MCPH1: variants seen among roughly 807,000 people sequenced by gnomAD.
MCPH1 encodes microcephalin.
MCPH1 carries 104 observed loss-of-function variants against 84.5 expected under a neutral mutation model. That is an observed-to-expected ratio of 1.23 (90% CI 1.05 to 1.45). The LOEUF is 1.45. MCPH1 is among the 40% of genes most tolerant of loss of function. The pLI, the probability that MCPH1 is intolerant of heterozygous loss-of-function variation, is 0.00. For missense variants in MCPH1, 1,498 were observed against 1,005.7 expected (o/e 1.49, Z -6.62); for synonymous variants, 514 against 366.8 (o/e 1.40, Z -4.58).
chr8:6,447,955 A>G (rs1804644415), intron 8 of MCPH1, among the ~76,000 whole-genome samples: 1 of 152,146 alleles, frequency 6.6e-6, no homozygotes, highest in Admixed American at 6.5e-5. Flanking sequence ...CATTGTAACA[A>G]AGATTGCTAA....
chr8:6,621,725 G>A, intron 13 of MCPH1, 34 bp downstream of exon 13: 1 of 1,613,544 alleles, frequency 6.2e-7, no homozygotes, highest in Non-Finnish European at 8.5e-7. Context: ...CTGTGGTGTG[G>A]TCCAGATCTG....
chr8:6,471,217 C>T (rs994386493), intron 9 of MCPH1, among the ~76,000 whole-genome samples: 1 of 152,064 alleles, frequency 6.6e-6, no homozygotes, highest in Admixed American at 6.5e-5. Flanking sequence ...TAAGCGTTGG[C>T]GCCATAAAAT....
At chr8:6,458,544 C>T (rs565912020) in intron 9 of MCPH1, among the ~76,000 whole-genome samples, 1 of 151,346 alleles carries the variant, frequency 6.6e-6, no homozygotes, top group East Asian at 1.9e-4. Context: ...TTTAGGAGCG[C>T]AAATTTGATA....
In MCPH1 at chr8:6,459,157, A is replaced by G. The variant is rs563126823; in HGVS notation, c.1935+3905A>G. Among the ~76,000 whole-genome samples, 4 of 152,328 alleles carry G rather than the reference A, an allele frequency of 2.6e-5. No individual in the cohort carries two copies. In the South Asian group the frequency reaches 8.3e-4, roughly 32 times the overall value. Reference sequence around the variant, plus strand: ...CTTCTGAGTAGCAGCCTACAAATATAATGTTAGTATCTCAACCATTCTTTT... The same window carrying G: ...CTTCTGAGTAGCAGCCTACAAATATGATGTTAGTATCTCAACCATTCTTTT... On this transcript the variant is annotated intron_variant, in intron 9 of 13. Coordinates refer to ENST00000344683, the MANE Select transcript of MCPH1 (RefSeq NM_024596.5).
chr8:6,455,795 C>G (rs1275700096), intron 9 of MCPH1, among the ~76,000 whole-genome samples: 1 of 152,178 alleles, frequency 6.6e-6, no homozygotes, highest in African/African-American at 2.4e-5. Context: ...TCAATATCTA[C>G]TTGCATTGCT....
chr8:6,626,749 T>A, intron 13 of MCPH1: 2 of 985,306 alleles, frequency 2.0e-6, no homozygotes, highest in Non-Finnish European at 1.2e-6. Context: ...TCACAAGCCC[T>A]TGGGTGGAGC....
intron 3 of MCPH1, among the ~76,000 whole-genome samples, chr8:6,428,515 T>G (rs1254553419): frequency 6.6e-6 from 1 of 152,172 alleles, no homozygotes; most frequent in Non-Finnish European, 1.5e-5. Context: ...CTTAGCCCTA[T>G]CCCCTATTCT....
At chr8:6,477,323 G>C (rs1470198343) in intron 9 of MCPH1, 3 of 432,156 alleles carry the variant, frequency 6.9e-6, no homozygotes, top group Non-Finnish European at 8.3e-6. Flanking sequence ...CTGGCTAACT[G>C]GTGGAACAGA....
intron 12 of MCPH1, among the ~76,000 whole-genome samples, chr8:6,538,421 G>C (rs1820901324): frequency 6.6e-6 from 1 of 152,196 alleles, no homozygotes; most frequent in Non-Finnish European, 1.5e-5. Context: ...TGCAAAGCTG[G>C]TGACCGCAGC....
intron 12 of MCPH1, among the ~76,000 whole-genome samples, chr8:6,512,061 C>T (rs1815242094): frequency 6.6e-6 from 1 of 152,096 alleles, no homozygotes; most frequent in Admixed American, 6.6e-5. Flanking sequence ...GAGGCCCAAA[C>T]ACCTATCTTC....
intron 3 of MCPH1, among the ~76,000 whole-genome samples, chr8:6,428,667 C>T (rs907371053): frequency 6.6e-6 from 1 of 152,190 alleles, no homozygotes; most frequent in Admixed American, 6.5e-5. Context: ...TTTCAAGGTT[C>T]AGTATGTTGT....
intron 10 of MCPH1, among the ~76,000 whole-genome samples, chr8:6,479,893 TC>T (rs1473454957): frequency 6.6e-6 from 1 of 152,098 alleles, no homozygotes; most frequent in Non-Finnish European, 1.5e-5. Flanking sequence ...GACAAATAGG[TC>T]CCAGATTTGA....
In MCPH1 at chr8:6,556,933, C is replaced by T. The variant is rs1232880769; in HGVS notation, c.2214+57004C>T. On this transcript the variant is annotated intron_variant, in intron 12 of 13. Coordinates refer to ENST00000344683, the MANE Select transcript of MCPH1 (RefSeq NM_024596.5). ...TCTGACTTCTTCTAGGCACCTAGAA[C>T]CAACACTGCCTGGACATGTGAAGGC... 1.3e-5 allele frequency among the ~76,000 whole-genome samples: 2 copies of T among 152,174 alleles called. 1 individual carries two copies. The highest frequency in any genetic ancestry group is 2.9e-5 in the Non-Finnish European group (2 of 68,034).
At position 6,647,626 on chromosome 8, in the gene MCPH1, G is replaced by C. The variant is rs147349147; in HGVS notation, c.*4577G>C. On this transcript the variant is annotated 3_prime_UTR_variant, in exon 14 of 14. Transcript: ENST00000344683. ...TAAACACGTGCAACAACATGAATGA[G>C]CCTCAGAAACATAAGTGAAAGAGGT... The C allele has an allele frequency of 6.6e-6, 1 of 151,858 alleles. No individual in the cohort carries two copies. The highest frequency in any genetic ancestry group is 2.4e-5 in the African/African-American group (1 of 41,150). 9.4% of individuals were successfully genotyped at this position (151,858 alleles called of 1,614,324 possible).
intron 7 of MCPH1, among the ~76,000 whole-genome samples, chr8:6,443,960 A>G (rs189522330): frequency 6.6e-6 from 1 of 152,342 alleles, no homozygotes; most frequent in Non-Finnish European, 1.5e-5. Context: ...ACTGGAAGAC[A>G]GGGAAGGTAA....
At chr8:6,433,760 C>T (rs1021178197) in intron 4 of MCPH1, among the ~76,000 whole-genome samples, 3 of 150,252 alleles carry the variant, frequency 2.0e-5, no homozygotes, top group East Asian at 2.0e-4. Context: ...CTTTAATTTT[C>T]ATGTCTAAAA....
At chr8:6,429,548 G>A (rs1209477887) in intron 3 of MCPH1, among the ~76,000 whole-genome samples, 2 of 151,268 alleles carry the variant, frequency 1.3e-5, no homozygotes, top group African/African-American at 2.4e-5. Flanking sequence ...TTATTTGTTT[G>A]ATTTCATTTC....
chr8:6,445,930 C>G (rs911806742), intron 8 of MCPH1: 12 of 988,928 alleles, frequency 1.2e-5, no homozygotes, highest in Middle Eastern at 5.1e-4. Flanking sequence ...AACCTAGGTT[C>G]TTAATAGTGA....
chr8:6,613,070 C>T (rs1054978315), intron 12 of MCPH1, among the ~76,000 whole-genome samples: 8 of 152,188 alleles, frequency 5.3e-5, no homozygotes, highest in Admixed American at 2.0e-4. Flanking sequence ...GCTGGGGGAT[C>T]GGCCTTCCAT....
Sources: allele counts gnomAD v4.1 joint callset (sites outside exome capture counted in the v4.1 genomes callset), GRCh38; gene constraint gnomAD v4.1.1; transcripts MANE v1.5; gene names NCBI Gene and HGNC (gene_info 2026-07-23, HGNC 2026-07-21).